THSD7B: variants seen among roughly 807,000 people sequenced by gnomAD.
THSD7B encodes the protein thrombospondin type 1 domain containing 7B.
A neutral mutation model predicts 213.6 loss-of-function variants in THSD7B; 138 were observed. That is an observed-to-expected ratio of 0.65 (90% confidence interval 0.56 to 0.74). The LOEUF (loss-of-function observed/expected upper bound fraction) is 0.74. Among genes scored for constraint, THSD7B ranks in the 30% least tolerant of loss-of-function variants. The pLI, the probability that THSD7B is intolerant of heterozygous loss-of-function variation, is 0.00. For synonymous variants in THSD7B, 742 were observed against 687.0 expected (o/e 1.08, Z -1.25); for missense variants, 1,931 against 1,991.5 (o/e 0.97, Z 0.58).
chr2:136,864,602 G>A (rs1282517741), intron 1 of THSD7B, among the ~76,000 whole-genome samples: 1 of 151,688 alleles, frequency 6.6e-6, no homozygotes, highest in African/African-American at 2.4e-5. Context: ...GCCCAGGCTG[G>A]AGTGCAGTGG....
chr2:137,304,908 A>G (rs918673308), intron 12 of THSD7B, among the ~76,000 whole-genome samples: 2 of 152,128 alleles, frequency 1.3e-5, no homozygotes, highest in Non-Finnish European at 2.9e-5. Flanking sequence ...TGAGTAGCTT[A>G]GTTTAATGGT....
intron 12 of THSD7B, among the ~76,000 whole-genome samples, chr2:137,323,746 AAACTAGGGTG>A (rs1488394489): frequency 6.6e-6 from 1 of 152,186 alleles, no homozygotes; most frequent in Non-Finnish European, 1.5e-5. Context: ...TGGCAACAAA[AAACTAGGGTG>A]AACTGGTAAT....
chr2:137,389,226 A>T (rs1685961474), intron 12 of THSD7B, among the ~76,000 whole-genome samples: 3 of 129,710 alleles, frequency 2.3e-5, no homozygotes, highest in South Asian at 2.6e-4. Flanking sequence ...ATGACAAAAT[A>T]ATATATATAT....
At chr2:137,138,088 C>T (rs573213478) in intron 5 of THSD7B, among the ~76,000 whole-genome samples, 16 of 151,912 alleles carry the variant, frequency 1.1e-4, no homozygotes, top group Non-Finnish European at 2.2e-4. Context: ...CAGATGGGGT[C>T]CCATTATGTT....
chr2:137,068,894 C>A (rs1687427683), intron 3 of THSD7B, among the ~76,000 whole-genome samples: 1 of 152,032 alleles, frequency 6.6e-6, no homozygotes, highest in Non-Finnish European at 1.5e-5. Context: ...CTGTTTGTGA[C>A]TTGCTGAAAG....
intron 5 of THSD7B, among the ~76,000 whole-genome samples, chr2:137,144,659 A>AG (rs1306550937): frequency 2.0e-5 from 3 of 152,058 alleles, no homozygotes; most frequent in Non-Finnish European, 4.4e-5. Flanking sequence ...ACACACTAAT[A>AG]ATGACTATCT....
chr2:137,102,446 A>T (rs1688169159), intron 4 of THSD7B, among the ~76,000 whole-genome samples: 1 of 152,214 alleles, frequency 6.6e-6, no homozygotes, highest in African/African-American at 2.4e-5. Flanking sequence ...TAGTGCAAAA[A>T]TGCTGAAAAT....
chr2:137,462,282 A>G (rs984366578), intron 15 of THSD7B, among the ~76,000 whole-genome samples: 3 of 152,024 alleles, frequency 2.0e-5, no homozygotes, highest in Admixed American at 6.6e-5. Context: ...AAGCAACTCT[A>G]TATCTGAGAA....
intron 2 of THSD7B, among the ~76,000 whole-genome samples, chr2:137,041,120 A>G (rs1345409448): frequency 3.3e-5 from 5 of 152,206 alleles, no homozygotes; most frequent in Admixed American, 1.3e-4. Flanking sequence ...ATGTAAATTC[A>G]TATTTTGTGG....
At chr2:136,861,088 T>A (rs1405595599) in intron 1 of THSD7B, among the ~76,000 whole-genome samples, 1 of 152,212 alleles carries the variant, frequency 6.6e-6, no homozygotes, top group African/African-American at 2.4e-5. Flanking sequence ...ACTGAATGTG[T>A]ATTGGAAAAT....
intron 15 of THSD7B, among the ~76,000 whole-genome samples, chr2:137,490,998 G>A (rs559907417): frequency 2.0e-5 from 3 of 152,230 alleles, no homozygotes; most frequent in Admixed American, 6.5e-5. Flanking sequence ...TCACTTGAAA[G>A]GTTTATTTTA....
At chr2:136,782,656 ATAATTAAAGT>A (rs1681763776) in intron 1 of THSD7B, among the ~76,000 whole-genome samples, 1 of 152,184 alleles carries the variant, frequency 6.6e-6, no homozygotes, top group Non-Finnish European at 1.5e-5. Flanking sequence ...CAAAGGATAC[ATAATTAAAGT>A]TAGGAATAAT....
chr2:137,339,939 G>T (rs1684722866), intron 12 of THSD7B, among the ~76,000 whole-genome samples: 1 of 150,262 alleles, frequency 6.7e-6, no homozygotes, highest in Non-Finnish European at 1.5e-5. Flanking sequence ...ATGTATGTTT[G>T]CAGGCTGCCT....
chr2:137,662,948 C>T (rs1683378526), intron 25 of THSD7B, among the ~76,000 whole-genome samples: 1 of 151,578 alleles, frequency 6.6e-6, no homozygotes, highest in South Asian at 2.1e-4. Context: ...GCCTATAATC[C>T]CAGCTACTCG....
intron 15 of THSD7B, among the ~76,000 whole-genome samples, chr2:137,530,655 G>A (rs1680379576): frequency 1.3e-5 from 2 of 151,986 alleles, no homozygotes; most frequent in Admixed American, 1.3e-4. Context: ...TAAAGGGGCA[G>A]TGTTATGGGG....
chr2:137,476,740 A>G (rs1427138561), intron 15 of THSD7B, among the ~76,000 whole-genome samples: 2 of 152,042 alleles, frequency 1.3e-5, no homozygotes, highest in Non-Finnish European at 1.5e-5. Flanking sequence ...GGGTTTTACC[A>G]TGTTGGCCAG....
At chr2:136,844,740 A>G (rs1031665309) in intron 1 of THSD7B, among the ~76,000 whole-genome samples, 2 of 152,172 alleles carry the variant, frequency 1.3e-5, no homozygotes, top group African/African-American at 4.8e-5. Flanking sequence ...AGCTCTTTCA[A>G]TCTGTCTTAG....
At chr2:136,807,570 A>G (rs993034025) in intron 1 of THSD7B, among the ~76,000 whole-genome samples, 4 of 131,920 alleles carry the variant, frequency 3.0e-5, no homozygotes, top group African/African-American at 1.2e-4. Context: ...GCAGTGGCAC[A>G]ATCTTGGCTC....
intron 20 of THSD7B, among the ~76,000 whole-genome samples, chr2:137,633,469 G>C (rs1682778085): frequency 6.6e-6 from 1 of 152,114 alleles, no homozygotes; most frequent in African/African-American, 2.4e-5. Flanking sequence ...TCTCAAACTA[G>C]TTTGAGTGGC....
Sources: gnomAD v4.1 joint callset for allele counts (sites outside exome capture counted in the v4.1 genomes callset) on GRCh38, gnomAD v4.1.1 for gene constraint, MANE v1.5 for transcripts, NCBI Gene and HGNC (gene_info 2026-07-23, HGNC 2026-07-21) for gene names.